The following NRDE2 variants were observed in gnomAD, a reference collection of about 807,000 sequenced individuals.
The protein encoded by NRDE2 is NRDE-2, necessary for RNA interference, domain containing, also known as nuclear exosome regulator NRDE2.
NRDE2 carries 76 observed loss-of-function variants against 124.2 expected under a neutral mutation model. The observed-to-expected ratio is 0.61, with a 90% CI of 0.51 to 0.74. NRDE2 has a LOEUF of 0.74. Among genes scored for constraint, NRDE2 ranks in the 30% least tolerant of loss-of-function variants. The probability of loss-of-function intolerance (pLI) is 0.00; values close to 1 mark genes in which losing one functional copy is unlikely to be tolerated. For synonymous variants in NRDE2, 489 were observed against 528.1 expected, an observed-to-expected ratio of 0.93 and a Z score of 1.01; for missense variants, 1,314 against 1,417.3, an observed-to-expected ratio of 0.93 and a Z score of 1.17.
At chr14:90,279,172 A>G (rs776323319) in intron 12 of NRDE2, 39 bp from the exon 13 acceptor site, 1 of 1,496,026 alleles carries the variant, frequency 6.7e-7, no homozygotes, top group East Asian at 2.3e-5. Flanking sequence ...TGATTAGTTG[A>G]CACAGAGAGG....
intron 7 of NRDE2, among the ~76,000 whole-genome samples, chr14:90,299,701 C>T (rs1884322487): frequency 6.6e-6 from 1 of 152,142 alleles, no homozygotes; most frequent in Non-Finnish European, 1.5e-5. Context: ...GCAGGGCAAA[C>T]GTCCTGACAC....
At chr14:90,299,003 G>A (rs1461903450) in intron 7 of NRDE2, among the ~76,000 whole-genome samples, 3 of 152,216 alleles carry the variant, frequency 2.0e-5, no homozygotes, top group African/African-American at 7.2e-5. Flanking sequence ...TGTTGGCACA[G>A]ATCTGAACAA....
At chr14:90,295,137 C>A (rs960906068) in intron 8 of NRDE2, among the ~76,000 whole-genome samples, 1 of 152,114 alleles carries the variant, frequency 6.6e-6, no homozygotes, top group Non-Finnish European at 1.5e-5. Flanking sequence ...GCAGACTGTA[C>A]CAATGTCAGT....
Position 90,290,494 on chromosome 14 carries a change from A to G in NRDE2, c.1956T>C (p.Pro652=). The change falls in exon 10 of 14, where the codon CCT becomes CCC. Residue 652 remains proline, a synonymous_variant. Coordinates refer to ENST00000354366, the MANE Select transcript of NRDE2 (RefSeq NM_017970.4). ...QFLGVPSGFT[P]PASCLYLAMD... Reference sequence around the variant, plus strand: ...TGGCCAGATAAAGACAGGAGGCTGGAGGAGTAAAGCCAGAAGGCACACCCA... The same window carrying G: ...TGGCCAGATAAAGACAGGAGGCTGGGGGAGTAAAGCCAGAAGGCACACCCA... The G allele has an allele frequency of 6.2e-7, 1 of 1,614,102 alleles. No homozygotes were observed. Among genetic ancestry groups the G allele is most frequent in the Non-Finnish European group, 8.5e-7 (1 of 1,180,010 alleles).
At chr14:90,293,617 A>G (rs931629302) in intron 8 of NRDE2, among the ~76,000 whole-genome samples, 1 of 152,252 alleles carries the variant, frequency 6.6e-6, no homozygotes, top group African/African-American at 2.4e-5. Context: ...TAGACAACAC[A>G]GTTTTAGAAT....
chr14:90,286,566 G>A, intron 11 of NRDE2, 74 bp from the exon 12 acceptor site: 1 of 1,520,752 alleles, frequency 6.6e-7, no homozygotes, highest in Non-Finnish European at 8.9e-7. Context: ...AGATGCCTGA[G>A]TGATGATAAG....
intron 2 of NRDE2, 131 bp from the exon 3 acceptor site, chr14:90,316,942 T>C: frequency 1.5e-6 from 1 of 653,148 alleles, no homozygotes; most frequent in South Asian, 2.1e-5. Context: ...TTTGCCCATA[T>C]ATTACACAGT....
At position 90,272,152 on chromosome 14, in the gene NRDE2, C is replaced by T. The variant is rs1365983939; in HGVS notation, c.*6184G>A. 1 of 1,128,874 alleles carries T rather than the reference C, an allele frequency of 8.9e-7. No individual in the cohort carries two copies. The highest frequency in any genetic ancestry group is 1.2e-6 in the Non-Finnish European group (1 of 800,462). 69.9% of individuals were successfully genotyped at this position (1,128,874 alleles called of 1,614,324 possible). A position where few individuals can be genotyped will look rare whatever the true frequency, so the allele number is the denominator to read the frequency against. ...TAGGCGATCCACCTGCCTCGGCCTCCCAGAGTGCTGGGATTACAGGTGTGA... is the reference window on the plus strand; with the variant it reads ...TAGGCGATCCACCTGCCTCGGCCTCTCAGAGTGCTGGGATTACAGGTGTGA... On this transcript the variant is annotated 3_prime_UTR_variant, in exon 14 of 14. Coordinates refer to ENST00000354366, the MANE Select transcript of NRDE2 (RefSeq NM_017970.4). The surrounding 1 kb of genome is among the most constrained non-coding windows in gnomAD (Gnocchi z 4.5).
rs1340313701 is a variant in NRDE2 at position 90,316,582 on chromosome 14, G to A, written c.403C>T (p.Pro135Ser). ...TGCTTGAGAACAGCAACCTACTTCGGTTCCTCAGATTCCTTTTTACTGCCT... is the reference window on the plus strand; with the variant it reads ...TGCTTGAGAACAGCAACCTACTTCGATTCCTCAGATTCCTTTTTACTGCCT... ...VGGSKKESEE[P>S]NQGNNAAADT... Residue 135 changes from proline to serine, a missense_variant, in exon 3 of 14, where the codon CCG becomes TCG. Pro to Ser is a moderately conservative substitution (Grantham distance 74, BLOSUM62 -1). Coordinates refer to ENST00000354366, the MANE Select transcript of NRDE2 (RefSeq NM_017970.4). The A allele has an allele frequency of 6.2e-7, 1 of 1,606,858 alleles. No homozygotes were observed. The highest frequency in any genetic ancestry group is 1.3e-5 in the African/African-American group (1 of 74,456).
chr14:90,302,974 G>A lies in NRDE2; in HGVS notation c.1157C>T (p.Ala386Val). The A allele has an allele frequency of 6.2e-7, 1 of 1,613,958 alleles. No individual in the cohort carries two copies. Among genetic ancestry groups the A allele is most frequent in the Non-Finnish European group, 8.5e-7 (1 of 1,180,020 alleles). ...GAACTCTGTGCAGAGCTTCAGCTTG[G>A]CCAGTTTCAGATCCACACTGCTCTG... is the stretch of plus-strand genomic sequence containing the variant. ...SNQSSVDLKLAKLKLCTEFWE... is the reference protein window; with the variant it reads ...SNQSSVDLKLVKLKLCTEFWE... Residue 386 changes from alanine to valine, a missense_variant, in exon 6 of 14, where the codon GCC becomes GTC. By Grantham distance (64) the Ala-to-Val change is moderately conservative. Transcript: ENST00000354366.
chr14:90,316,624 G>T lies in NRDE2; in HGVS notation c.361C>A (p.Pro121Thr), dbSNP rs989514191. ...ETDTDSEKDK[P>T]SRGVGGSKKE... ...TTACTGCCTCCAACGCCTCTGGAAG[G>T]TTTGTCCTTTTCAGAATCGGTGTCT... Residue 121 changes from proline (P) to threonine (T), a missense_variant, in exon 3 of 14, where the codon CCT becomes ACT. Transcript: ENST00000354366. 4 of 1,614,122 alleles carry T rather than the reference G, an allele frequency of 2.5e-6. No individual in the cohort carries two copies. Among genetic ancestry groups the T allele is most frequent in the East Asian group, 2.2e-5 (1 of 44,890 alleles).
chr14:90,331,873 C>A lies in NRDE2; in HGVS notation c.32G>T (p.Ser11Ile), dbSNP rs760706394. 1 of 1,614,164 alleles carries A rather than the reference C, an allele frequency of 6.2e-7. No individual in the cohort carries two copies. The highest frequency in any genetic ancestry group is 1.1e-5 in the South Asian group (1 of 91,086). ...GGAGCTCCCGCCATCGGGAGCCTCA[C>A]TAAGCCCCGCAAAGGCTGGGAACAG... is the stretch of plus-strand genomic sequence containing the variant. Reference protein sequence around the residue: MALFPAFAGLSEAPDGGSSRK... With the variant: MALFPAFAGLIEAPDGGSSRK... The change falls in exon 1 of 14, where the codon AGT (serine) becomes ATT (isoleucine). Residue 11 changes from serine to isoleucine, a missense_variant. By Grantham distance (142) the Ser-to-Ile change is moderately radical. Transcript: ENST00000354366.
chr14:90,271,005 G>C lies in NRDE2; in HGVS notation c.*7331C>G, dbSNP rs1473107008. On this transcript the variant is annotated 3_prime_UTR_variant, in exon 14 of 14. Coordinates refer to ENST00000354366, the MANE Select transcript of NRDE2 (RefSeq NM_017970.4). ...GGCAGTTAGTCCTAGAGAACTAGAT[G>C]TCTCTGTTGGCAAGTAAAATCTATC... 89 of 152,322 alleles carry C rather than the reference G, an allele frequency of 5.8e-4. No individual in the cohort carries two copies. The highest frequency in any genetic ancestry group is 1.9e-3 in the African/African-American group (79 of 41,564). 9.4% of individuals were successfully genotyped at this position (152,322 alleles called of 1,614,324 possible).
chr14:90,306,084 G>C (rs1884589054), intron 4 of NRDE2, among the ~76,000 whole-genome samples: 1 of 152,052 alleles, frequency 6.6e-6, no homozygotes. Flanking sequence ...AAAGTTAATG[G>C]TAGATGTAGG....
At chr14:90,305,877 A>AT (rs1884581242) in intron 4 of NRDE2, among the ~76,000 whole-genome samples, 1 of 152,230 alleles carries the variant, frequency 6.6e-6, no homozygotes, top group Admixed American at 6.5e-5. Context: ...AGCTTTGTGC[A>AT]TTACATTGCA....
chr14:90,283,358 T>C (rs1892007862), intron 12 of NRDE2, among the ~76,000 whole-genome samples: 1 of 152,232 alleles, frequency 6.6e-6, no homozygotes, highest in African/African-American at 2.4e-5. Flanking sequence ...AGATTCTTAG[T>C]AAAAATATTG....
chr14:90,313,212 C>T (rs1376735419), intron 3 of NRDE2, among the ~76,000 whole-genome samples: 2 of 151,136 alleles, frequency 1.3e-5, no homozygotes, highest in South Asian at 2.1e-4. Context: ...CTGCAAGCTC[C>T]GCCTCCCGGA....
At chr14:90,283,986 C>CA (rs1892028379) in intron 12 of NRDE2, among the ~76,000 whole-genome samples, 1 of 152,148 alleles carries the variant, frequency 6.6e-6, no homozygotes, top group Non-Finnish European at 1.5e-5. Context: ...GCTGGGATTA[C>CA]AGGCATGAGC....
intron 11 of NRDE2, among the ~76,000 whole-genome samples, 161 bp from the exon 12 acceptor site, chr14:90,286,653 C>G (rs575125515): frequency 6.6e-6 from 1 of 152,342 alleles, no homozygotes; most frequent in African/African-American, 2.4e-5. Context: ...TGGGGCTTCT[C>G]CAAGGCCAGG....
Sources: allele counts gnomAD v4.1 joint callset (sites outside exome capture counted in the v4.1 genomes callset), GRCh38; gene constraint gnomAD v4.1.1; non-coding constraint Gnocchi (gnomAD v3.1); transcripts MANE v1.5; gene names NCBI Gene and HGNC (gene_info 2026-07-23, HGNC 2026-07-21).